HPN: variants seen among roughly 807,000 people sequenced by gnomAD.
The protein encoded by HPN is serine protease hepsin.
In HPN, 13 loss-of-function variants were observed where a neutral mutation model predicts 55.9. The observed-to-expected ratio is 0.23, with a 90% CI of 0.15 to 0.37. The LOEUF (loss-of-function observed/expected upper bound fraction) is 0.37. HPN is among the 10% of genes least tolerant of loss of function. HPN has a pLI of 1.00. For synonymous variants in HPN, 225 were observed against 240.3 expected, an observed-to-expected ratio of 0.94 and a Z score of 0.59; for missense variants, 451 against 575.8, an observed-to-expected ratio of 0.78 and a Z score of 2.22.
intron 4 of HPN, chr19:35,050,566 A>G: frequency 7.9e-7 from 1 of 1,259,782 alleles, no homozygotes; most frequent in Non-Finnish European, 1.0e-6. Context: ...CACACAAATA[A>G]ATAGATAAAG....
chr19:35,047,217 C>T (rs371409890), intron 2 of HPN, among the ~76,000 whole-genome samples: 46 of 152,378 alleles, frequency 3.0e-4, no homozygotes, highest in African/African-American at 1.1e-3. Flanking sequence ...TGGCCCCAGC[C>T]TTGGTTCCCA....
chr19:35,049,632 C>A, intron 4 of HPN, 116 bp downstream of exon 4: 1 of 944,212 alleles, frequency 1.1e-6, no homozygotes, highest in Non-Finnish European at 1.6e-6. Flanking sequence ...AAATGCTAAT[C>A]ATAATAGTGC....
chr19:35,042,192 C>T, intron 1 of HPN: 2 of 1,244,452 alleles, frequency 1.6e-6, no homozygotes, highest in Non-Finnish European at 1.0e-6. Context: ...TCTCCTCCCT[C>T]AAACCGGGAT....
At chr19:35,064,314 G>A (rs1311244794) in intron 9 of HPN, among the ~76,000 whole-genome samples, 1 of 72,236 alleles carries the variant, frequency 1.4e-5, no homozygotes, top group Non-Finnish European at 3.4e-5. Context: ...CTCAAGATAG[G>A]AGTGTCTCTC....
chr19:35,065,508 G>A, intron 10 of HPN, 31 bp from the exon 11 acceptor site: 1 of 1,611,736 alleles, frequency 6.2e-7, no homozygotes. Flanking sequence ...ACACCCCCCA[G>A]CTCTGGCCAG....
rs768172188 is a variant in HPN at position 35,041,830 on chromosome 19, C to T, written c.-97C>T. ...CCAGGCCTGGAGACTGACCCGACCC[C>T]GGCACTACCTCGAGGCTCCGCCCCC... On this transcript the variant is annotated 5_prime_UTR_variant, in exon 1 of 13. Coordinates refer to ENST00000672452, the MANE Select transcript of HPN (RefSeq NM_001384133.1). The T allele has an allele frequency of 3.0e-6, 4 of 1,342,800 alleles. No individual in the cohort carries two copies. The highest frequency in any genetic ancestry group is 2.2e-4 in the Middle Eastern group (1 of 4,636). The allele number at this position is 1,342,800 out of a possible 1,614,324, so 83.2% of individuals were successfully genotyped here.
chr19:35,059,911 G>A lies in HPN; in HGVS notation c.328G>A (p.Gly110Ser). 2 of 1,503,090 alleles carry A rather than the reference G, an allele frequency of 1.3e-6. No homozygotes were observed. The highest frequency in any genetic ancestry group is 4.7e-5 in the East Asian group (2 of 42,180). The allele number at this position is 1,503,090 out of a possible 1,614,324, so 93.1% of individuals were successfully genotyped here. The change falls in exon 6 of 13, where the codon GGC (glycine) becomes AGC (serine). Residue 110 changes from glycine to serine, a missense_variant. Gly to Ser is a moderately conservative substitution (Grantham distance 56). Around this residue, in one of 2 missense-constraint regions of HPN, gnomAD observed 378 missense variants for 445.5 expected, o/e 0.85. Transcript: ENST00000672452. ...CTCCGAGCTGGACGTGCGAACGGCG[G>A]GCGCCAATGGCACGTCGGGCTTCTT... ...THSELDVRTA[G>S]ANGTSGFFCV...
upstream of HPN, chr19:35,041,671 G>T (rs916909202): frequency 7.5e-4 from 857 of 1,149,234 alleles, 4 homozygotes; most frequent in Non-Finnish European, 6.5e-4. Flanking sequence ...CGAATGGTCC[G>T]GCCCCTCCCC....
rs774096857 is a variant in HPN at position 35,049,495 on chromosome 19, G to T, written c.139G>T (p.Asp47Tyr). 1 of 1,606,326 alleles carries T rather than the reference G, an allele frequency of 6.2e-7. No individual in the cohort carries two copies. Among genetic ancestry groups the T allele is most frequent in the South Asian group, 1.1e-5 (1 of 90,174 alleles). The change falls in exon 4 of 13, where the codon GAC (aspartate) becomes TAC (tyrosine). Residue 47 changes from aspartate to tyrosine, a missense_variant. Physicochemically the swap from Asp to Tyr is radical, Grantham distance 160. Coordinates refer to ENST00000672452, the MANE Select transcript of HPN (RefSeq NM_001384133.1). ...TGCAGTGGCTGTTCTCCTCAGGAGT[G>T]ACCAGGAGCCGCTGTACCCAGGTGA... ...WAIVAVLLRS[D>Y]QEPLYPVQVS...
intron 2 of HPN, among the ~76,000 whole-genome samples, chr19:35,044,090 TG>T (rs1421976533): frequency 6.6e-6 from 1 of 152,110 alleles, no homozygotes; most frequent in African/African-American, 2.4e-5. Flanking sequence ...ATCTGTAAAC[TG>T]GGGGTGATGG....
chr19:35,065,124 T>G, intron 9 of HPN, 126 bp from the exon 10 acceptor site: 13 of 610,758 alleles, frequency 2.1e-5, no homozygotes, highest in Non-Finnish European at 2.0e-5. Context: ...GCCCAGCCTA[T>G]TGTGGTTTTT....
rs149168404 is a variant in HPN, at chr19:35,049,345, G to A, written c.72G>A (p.Gly24=). ...SRPKVAALTA[G]TLLLLTAIGA... is the part of the protein sequence containing the mutation. ...CCAAGGTGGCAGCTCTCACTGCGGG[G>A]ACCCTGCTACTTCTGACAGCCATCG... Residue 24 remains glycine (G), a synonymous_variant, in exon 3 of 13, where the codon GGG becomes GGA. Coordinates refer to ENST00000672452, the MANE Select transcript of HPN (RefSeq NM_001384133.1). The A allele has an allele frequency of 3.7e-6, 6 of 1,602,072 alleles. No homozygotes were observed. Among genetic ancestry groups the A allele is most frequent in the Non-Finnish European group, 5.1e-6 (6 of 1,172,810 alleles).
upstream of HPN, chr19:35,041,693 C>A: frequency 1.8e-6 from 2 of 1,104,262 alleles, no homozygotes; most frequent in Non-Finnish European, 2.3e-6. Context: ...CCCCTTCACC[C>A]GCCCCTCGCC....
chr19:35,064,434 T>C (rs1185069382), intron 9 of HPN, among the ~76,000 whole-genome samples: 1 of 151,138 alleles, frequency 6.6e-6, no homozygotes, highest in East Asian at 2.0e-4. Context: ...CTGCAAACTC[T>C]GCCTCCTAGG....
At chr19:35,043,052 G>A (rs1402903517) in intron 2 of HPN, among the ~76,000 whole-genome samples, 1 of 152,128 alleles carries the variant, frequency 6.6e-6, no homozygotes, top group Admixed American at 6.5e-5. Flanking sequence ...CATATAAGAC[G>A]CATGCCATCA....
chr19:35,041,677 T>TGCC, upstream of HPN: 2 of 706,520 alleles, frequency 2.8e-6, no homozygotes, highest in Non-Finnish European at 3.5e-6. Flanking sequence ...GTCCGGCCCC[T>TGCC]CCCCGCCCCT....
chr19:35,065,775 T>A, intron 11 of HPN, 93 bp from the exon 12 acceptor site: 1 of 1,596,646 alleles, frequency 6.3e-7, no homozygotes, highest in Non-Finnish European at 8.5e-7. Context: ...TCTAAAAGCC[T>A]GAGGGCTCTG....
Position 35,065,859 on chromosome 19 carries a change from C to T in HPN, c.1051-9C>T, listed in dbSNP as rs1568364792. 6.2e-7 allele frequency: 1 copy of T among 1,613,680 alleles called. No individual in the cohort carries two copies. The highest frequency in any genetic ancestry group is 2.2e-5 in the East Asian group (1 of 44,870). On this transcript the variant is annotated splice_polypyrimidine_tract_variant and intron_variant, in intron 11 of 12. Transcript: ENST00000672452. ...TGGCCTTCAGCCAGACCTCCCTCTC[C>T]CCTCCCAGGGCGACAGCGGTGGTCC...
rs2064381241 is a variant in HPN at position 35,049,500 on chromosome 19, G to A, written c.144G>A (p.Gln48=). ...AIVAVLLRSD[Q]EPLYPVQVSS... The stretch of plus-strand genomic sequence containing the variant: ...TGGCTGTTCTCCTCAGGAGTGACCA[G>A]GAGCCGCTGTACCCAGGTGAGTGGA... Residue 48 remains glutamine (Q), a synonymous_variant, in exon 4 of 13, where the codon CAG becomes CAA. Coordinates refer to ENST00000672452, the MANE Select transcript of HPN (RefSeq NM_001384133.1). 1 of 1,605,062 alleles carries A rather than the reference G, an allele frequency of 6.2e-7. No individual in the cohort carries two copies. The highest frequency in any genetic ancestry group is 8.5e-7 in the Non-Finnish European group (1 of 1,175,530).
Sources: gnomAD v4.1 joint callset for allele counts (sites outside exome capture counted in the v4.1 genomes callset) on GRCh38, gnomAD v4.1.1 for gene constraint, gnomAD v4.1.1 regional missense constraint, MANE v1.5 for transcripts, NCBI Gene and HGNC (gene_info 2026-07-23, HGNC 2026-07-21) for gene names.